Variants in SMARCC2 observed in about 807,000 individuals in gnomAD.
SMARCC2 encodes the protein SWI/SNF complex subunit SMARCC2.
SMARCC2 carries 15 observed loss-of-function variants against 151.3 expected under a neutral mutation model. The observed-to-expected ratio is 0.10, with a 90% CI of 0.07 to 0.15. The LOEUF is 0.15. SMARCC2 is among the 10% of genes least tolerant of loss of function. The probability of loss-of-function intolerance (pLI) is 1.00; values close to 1 mark genes in which losing one functional copy is unlikely to be tolerated. For missense variants in SMARCC2, 1,031 were observed against 1,599.7 expected (o/e 0.64, Z 6.06); for synonymous variants, 590 against 609.5 (o/e 0.97, Z 0.47).
chr12:56,172,593 G>A lies in SMARCC2; in HGVS notation c.1855C>T (p.Pro619Ser). 1.2e-6 allele frequency: 2 copies of A among 1,614,198 alleles called. No homozygotes were observed. Among genetic ancestry groups the A allele is most frequent in the East Asian group, 4.5e-5 (2 of 44,880 alleles). The change falls in exon 19 of 29, where the codon CCC (proline) becomes TCC (serine). Residue 619 changes from proline (P) to serine (S), a missense_variant. This residue lies in a region of SMARCC2 where 99 missense variants were observed against 148.3 expected (regional missense o/e 0.67). Transcript: ENST00000550164. ...RTDMYTKKNV[P>S]SKSKAAASAT... ...CGGCCCGCACCTCCTACCTTGGAGG[G>A]AACATTCTTTTTTGTGTACATGTCT...
intron 15 of SMARCC2, among the ~76,000 whole-genome samples, chr12:56,176,020 A>C (rs1417404509): frequency 6.6e-6 from 1 of 151,932 alleles, no homozygotes; most frequent in African/African-American, 2.4e-5. Flanking sequence ...CTCCACACCC[A>C]GCTAATTTTT....
intron 28 of SMARCC2, 47 bp downstream of exon 28, chr12:56,164,256 G>A: frequency 6.4e-7 from 1 of 1,572,910 alleles, no homozygotes; most frequent in Admixed American, 1.8e-5. Context: ...CCTCCCTCCA[G>A]GTGGACCCCT....
In SMARCC2 at chr12:56,178,538, C is replaced by T. The variant is rs760742155; in HGVS notation, c.1180-4G>A. The T allele has an allele frequency of 1.2e-5, 20 of 1,614,060 alleles. No individual in the cohort carries two copies. The highest frequency in any genetic ancestry group is 1.1e-4 in the East Asian group (5 of 44,900). Reference sequence around the variant, plus strand: ...CCGTACTGTTCTCATCCTCATCCTACGAGTATGGAGGCTGCTGGACACTCA... The same window carrying T: ...CCGTACTGTTCTCATCCTCATCCTATGAGTATGGAGGCTGCTGGACACTCA... On this transcript the variant is annotated splice_polypyrimidine_tract_variant and splice_region_variant and intron_variant, in intron 13 of 28. Coordinates refer to ENST00000550164, the MANE Select transcript of SMARCC2 (RefSeq NM_001330288.2).
chr12:56,178,851 A>T lies in SMARCC2; in HGVS notation c.1142-4T>A. On this transcript the variant is annotated splice_polypyrimidine_tract_variant and splice_region_variant and intron_variant, in intron 12 of 28. Coordinates refer to ENST00000550164, the MANE Select transcript of SMARCC2 (RefSeq NM_001330288.2). ...ATGCTTTCATCTTCCTGTTCATCTG[A>T]AAGAGAAAAACCAAGATGTAAGGCT... The T allele has an allele frequency of 6.2e-7, 1 of 1,614,118 alleles. No homozygotes were observed. The highest frequency in any genetic ancestry group is 8.5e-7 in the Non-Finnish European group (1 of 1,179,962).
chr12:56,167,421 T>C (rs774951051), intron 26 of SMARCC2, among the ~76,000 whole-genome samples: 27 of 152,206 alleles, frequency 1.8e-4, no homozygotes, highest in Middle Eastern at 3.2e-3. Flanking sequence ...CAGGCTGGTC[T>C]TGAACTCCTG....
chr12:56,176,664 G>T (rs868432254), intron 15 of SMARCC2, among the ~76,000 whole-genome samples: 1 of 142,644 alleles, frequency 7.0e-6, no homozygotes, highest in African/African-American at 2.6e-5. Context: ...TTTTTGAGAC[G>T]GAGTCTCGCT....
rs1592304888 is a variant in SMARCC2 at position 56,177,570 on chromosome 12, C to T, written c.1382+452G>A. ...CTCCTACACTTCTTTCCCAGTGAGC[C>T]CTCTCCATCCCTTAATTTATATAAA... On this transcript the variant is annotated intron_variant, in intron 15 of 28. Transcript: ENST00000550164. Among the ~76,000 whole-genome samples the T allele has an allele frequency of 5.9e-5, 9 of 152,132 alleles. 1 individual carries two copies. In the South Asian group the frequency reaches 1.9e-3, roughly 32 times the overall value.
Position 56,162,485 on chromosome 12 carries a change from G to A in SMARCC2, c.*1204C>T. On this transcript the variant is annotated 3_prime_UTR_variant, in exon 29 of 29. Transcript: ENST00000550164. ...CAGAGGGAGAGAAACATGGGGACAT[G>A]AGGAACAAAGGGCCTGGTGGGAGGA... 3.5e-6 allele frequency: 2 copies of A among 576,282 alleles called. No homozygotes were observed. Among genetic ancestry groups the A allele is most frequent in the South Asian group, 2.3e-5 (1 of 42,884 alleles). 35.7% of individuals were successfully genotyped at this position (576,282 alleles called of 1,614,324 possible).
intron 15 of SMARCC2, among the ~76,000 whole-genome samples, chr12:56,176,458 G>A (rs767049626): frequency 6.6e-6 from 1 of 152,170 alleles, no homozygotes; most frequent in Non-Finnish European, 1.5e-5. Context: ...CCAAAGCCAA[G>A]CAGGTTTGGC....
chr12:56,164,331 G>A lies in SMARCC2; in HGVS notation c.3633C>T (p.Asn1211=), dbSNP rs1382751348. The A allele has an allele frequency of 6.2e-7, 1 of 1,613,172 alleles. No individual in the cohort carries two copies. Among genetic ancestry groups the A allele is most frequent in the East Asian group, 2.2e-5 (1 of 44,900 alleles). ...GCAGTGGGCTGGCACTGGGCAGGAG[G>A]TTGCCCTGAACAGCTGCCACAATGG... ...SPAIVAAVQG[N]LLPSASPLPD... is the part of the protein sequence containing the mutation. Residue 1211 remains asparagine, a synonymous_variant, in exon 28 of 29, where the codon AAC becomes AAT. Transcript: ENST00000550164.
chr12:56,165,458 C>T lies in SMARCC2; in HGVS notation c.3092G>A (p.Ser1031Asn), dbSNP rs1872594253. The T allele has an allele frequency of 2.6e-6, 4 of 1,539,362 alleles. No homozygotes were observed. The highest frequency in any genetic ancestry group is 4.0e-5 in the Admixed American group (2 of 49,628). The change falls in exon 27 of 29, where the codon AGT (serine) becomes AAT (asparagine). Residue 1031 changes from serine to asparagine, a missense_variant. Coordinates refer to ENST00000550164, the MANE Select transcript of SMARCC2 (RefSeq NM_001330288.2). Reference sequence around the variant, plus strand: ...GCCCAAACTTCCTGGAGGGGCCCCACTGCCAGCAGGAGCAGGGACTACAGA... The same window carrying T: ...GCCCAAACTTCCTGGAGGGGCCCCATTGCCAGCAGGAGCAGGGACTACAGA... ...PASVVPAPAG[S>N]GAPPGSLGPS...
At chr12:56,188,343 C>T (rs1190027271) in intron 1 of SMARCC2, among the ~76,000 whole-genome samples, 1 of 152,186 alleles carries the variant, frequency 6.6e-6, no homozygotes, top group Non-Finnish European at 1.5e-5. Flanking sequence ...GGGCCAGGCT[C>T]ACAACCAGCA....
intron 7 of SMARCC2, 111 bp from the exon 8 acceptor site, chr12:56,182,190 A>AT (rs1004027468): frequency 6.4e-5 from 43 of 667,424 alleles, no homozygotes; most frequent in Middle Eastern, 5.0e-4. Flanking sequence ...TTCTTGGCTT[A>AT]TTTTTTTTGT....
rs201520727 is a variant in SMARCC2 at position 56,170,181 on chromosome 12, A to G, written c.2375T>C (p.Val792Ala). ...IEESGNDEARVEGQATDEKKE... is the reference protein window; with the variant it reads ...IEESGNDEARAEGQATDEKKE... ...CTTCTCATCTGTGGCCTGGCCTTCC[A>G]CCCGAGCCTCGTCATTCCCGCTCTC... Residue 792 changes from valine to alanine, a missense_variant, in exon 23 of 29, where the codon GTG (valine) becomes GCG (alanine). Coordinates refer to ENST00000550164, the MANE Select transcript of SMARCC2 (RefSeq NM_001330288.2). 6.2e-7 allele frequency: 1 copy of G among 1,613,796 alleles called. No homozygotes were observed. Among genetic ancestry groups the G allele is most frequent in the African/African-American group, 1.3e-5 (1 of 74,956 alleles).
In SMARCC2 at chr12:56,173,955, C is replaced by T. The variant is rs545190039; in HGVS notation, c.1497-106G>A. The T allele has an allele frequency of 3.5e-4, 365 of 1,032,144 alleles. No individual in the cohort carries two copies. In the Middle Eastern group the frequency reaches 6.2e-3, roughly 18 times the overall value. 63.9% of individuals were successfully genotyped at this position (1,032,144 alleles called of 1,614,324 possible). A position where few individuals can be genotyped will look rare whatever the true frequency, so the allele number is the denominator to read the frequency against. On this transcript the variant is annotated intron_variant, in intron 16 of 28. Coordinates refer to ENST00000550164, the MANE Select transcript of SMARCC2 (RefSeq NM_001330288.2). Reference sequence around the variant, plus strand: ...GGGCATAAACCCCCTCCCCACCCAACCCCGGCCTTTTCCTCTGTTCATTGT... The same window carrying T: ...GGGCATAAACCCCCTCCCCACCCAATCCCGGCCTTTTCCTCTGTTCATTGT...
chr12:56,173,333 G>GA (rs950220565), intron 17 of SMARCC2, among the ~76,000 whole-genome samples: 5 of 149,552 alleles, frequency 3.3e-5, no homozygotes, highest in African/African-American at 1.2e-4. Flanking sequence ...AGTGGAAATG[G>GA]AAAAAAAAAT....
chr12:56,169,521 G>T lies in SMARCC2; in HGVS notation c.2715+8C>A. The T allele has an allele frequency of 6.2e-7, 1 of 1,613,748 alleles. No homozygotes were observed. Among genetic ancestry groups the T allele is most frequent in the Non-Finnish European group, 8.5e-7 (1 of 1,179,766 alleles). On this transcript the variant is annotated splice_region_variant and intron_variant, in intron 25 of 28. Coordinates refer to ENST00000550164, the MANE Select transcript of SMARCC2 (RefSeq NM_001330288.2). ...TTCTTCCCTGAGGTCTTCAAGGTCTGGCCTCACCTTAGCTTTCACTGCGGC... is the reference window on the plus strand; with the variant it reads ...TTCTTCCCTGAGGTCTTCAAGGTCTTGCCTCACCTTAGCTTTCACTGCGGC...
At chr12:56,167,921 C>CACACACACACA in intron 26 of SMARCC2, 139 bp downstream of exon 26, 1 of 977,922 alleles carries the variant, frequency 1.0e-6, no homozygotes, top group African/African-American at 1.7e-5. Flanking sequence ...CTCAGGCTTT[C>CACACACACACA]CCCACTGTTG....
chr12:56,169,050 T>C (rs974640447), intron 25 of SMARCC2, among the ~76,000 whole-genome samples: 4 of 151,946 alleles, frequency 2.6e-5, no homozygotes, highest in African/African-American at 9.7e-5. Context: ...TTCCAGCAGT[T>C]TGGGAGGCCA....
Sources: gnomAD v4.1 joint callset for allele counts (sites outside exome capture counted in the v4.1 genomes callset) on GRCh38, gnomAD v4.1.1 for gene constraint, gnomAD v4.1.1 regional missense constraint, MANE v1.5 for transcripts, NCBI Gene and HGNC (gene_info 2026-07-23, HGNC 2026-07-21) for gene names.